Variants in SPATA6 observed in about 807,000 individuals in gnomAD.
SPATA6 encodes the protein spermatogenesis associated 6.
SPATA6 carries 56 observed loss-of-function variants against 65.3 expected under a neutral mutation model. The observed-to-expected ratio is 0.86, with a 90% CI of 0.69 to 1.07. The LOEUF is 1.07. Ranked by LOEUF, SPATA6 falls within the 50% of genes least tolerant of loss-of-function variation. The pLI, the probability that SPATA6 is intolerant of heterozygous loss-of-function variation, is 0.00. For synonymous variants in SPATA6, 199 were observed against 213.2 expected (o/e 0.93, Z 0.58); for missense variants, 590 against 594.8 (o/e 0.99, Z 0.08).
chr1:48,288,310 G>C, the SPATA6 span, among the ~76,000 whole-genome samples: 1 of 152,192 alleles, frequency 6.6e-6, no homozygotes, highest in Non-Finnish European at 1.5e-5. Context: ...CTCATAAAGT[G>C]AGTTTGGGAG....
At chr1:48,342,109 T>C (rs1297542554) in intron 11 of SPATA6, among the ~76,000 whole-genome samples, 2 of 152,200 alleles carry the variant, frequency 1.3e-5, no homozygotes, top group Admixed American at 6.6e-5. Context: ...AAGGGCCAGG[T>C]AGGAAATACG....
At chr1:48,398,206 C>A (rs1269407749) in intron 7 of SPATA6, among the ~76,000 whole-genome samples, 1 of 147,254 alleles carries the variant, frequency 6.8e-6, no homozygotes, top group South Asian at 2.4e-4. Context: ...AAAGTAGTCA[C>A]AATAACTTCA....
intron 11 of SPATA6, among the ~76,000 whole-genome samples, chr1:48,311,120 G>T (rs539328250): frequency 4.6e-5 from 7 of 152,122 alleles, no homozygotes; most frequent in African/African-American, 1.7e-4. Context: ...CATGAAAAAA[G>T]AAGACCTCAA....
chr1:48,334,856 A>T lies in SPATA6; in HGVS notation c.1194+20814T>A, dbSNP rs140915265. ...AAGTAGTAAAACTATCCCTGTGTGT[A>T]TATGACATGATTTTGTATTTTAAAA... On this transcript the variant is annotated intron_variant, in intron 11 of 12. Coordinates refer to ENST00000371847, the MANE Select transcript of SPATA6 (RefSeq NM_019073.4). Among the ~76,000 whole-genome samples, 502 of 152,290 alleles carry T rather than the reference A, an allele frequency of 3.3e-3. 2 individuals are homozygous for T. The highest frequency in any genetic ancestry group is 0.011 in the African/African-American group (474 of 41,578).
At chr1:48,275,387 G>A in the SPATA6 span, among the ~76,000 whole-genome samples, 1 of 152,192 alleles carries the variant, frequency 6.6e-6, no homozygotes, top group African/African-American at 2.4e-5. Flanking sequence ...TTGAATAGGA[G>A]TGGTAAGAGA....
At chr1:48,441,607 C>T (rs980304959) in intron 3 of SPATA6, among the ~76,000 whole-genome samples, 2 of 152,016 alleles carry the variant, frequency 1.3e-5, no homozygotes, top group Non-Finnish European at 2.9e-5. Flanking sequence ...CAAGCTCCAG[C>T]CCTAAGCCTT....
intron 11 of SPATA6, among the ~76,000 whole-genome samples, chr1:48,353,455 T>C (rs1269881929): frequency 7.1e-6 from 1 of 141,354 alleles, no homozygotes; most frequent in Non-Finnish European, 1.5e-5. Context: ...AACTCACGTG[T>C]TACTTACAAG....
rs577758223 is a variant in SPATA6, at chr1:48,368,624, G to A, written c.910-8854C>T. On this transcript the variant is annotated intron_variant, in intron 9 of 12. Coordinates refer to ENST00000371847, the MANE Select transcript of SPATA6 (RefSeq NM_019073.4). The stretch of plus-strand genomic sequence containing the variant: ...CTTCTGCATTCTTCACGTAGTTCTC[G>A]AGCCTTGGCTTTCAGCTCCATTAGC... Among the ~76,000 whole-genome samples, 20 of 152,190 alleles carry A rather than the reference G, an allele frequency of 1.3e-4. No homozygotes were observed. In the South Asian group the frequency reaches 1.7e-3, roughly 13 times the overall value.
At chr1:48,426,251 A>G (rs530504478) in intron 3 of SPATA6, among the ~76,000 whole-genome samples, 2 of 152,322 alleles carry the variant, frequency 1.3e-5, no homozygotes, top group Admixed American at 6.5e-5. Context: ...CACACATACT[A>G]GGAAGCACAG....
At chr1:48,462,760 A>T (rs1657543164) in intron 1 of SPATA6, among the ~76,000 whole-genome samples, 1 of 152,232 alleles carries the variant, frequency 6.6e-6, no homozygotes, top group South Asian at 2.1e-4. Flanking sequence ...CTTGTTCACT[A>T]GCTATGATGG....
chr1:48,281,005 C>T, the SPATA6 span, among the ~76,000 whole-genome samples: 1 of 152,000 alleles, frequency 6.6e-6, no homozygotes, highest in African/African-American at 2.4e-5. Context: ...GGGCTTCATC[C>T]CTGGGATGCA....
rs1649347865 is a variant in SPATA6 at position 48,385,323 on chromosome 1, G to A, written c.895C>T (p.Pro299Ser). 6.2e-7 allele frequency: 1 copy of A among 1,606,984 alleles called. No homozygotes were observed. Among genetic ancestry groups the A allele is most frequent in the African/African-American group, 1.3e-5 (1 of 74,676 alleles). The change falls in exon 9 of 13, where the codon CCC becomes TCC. Residue 299 changes from proline to serine, a missense_variant. Coordinates refer to ENST00000371847, the MANE Select transcript of SPATA6 (RefSeq NM_019073.4). ...ATTCTACACACCTTATAATCCTTGG[G>A]TCGGCAGCAGCCAAGATGAGAATGA... ...NDHSHLGCCR[P>S]KDYKVIRTPH...
chr1:48,415,740 A>C (rs1652713795), intron 3 of SPATA6, among the ~76,000 whole-genome samples: 2 of 150,950 alleles, frequency 1.3e-5, no homozygotes, highest in Admixed American at 1.3e-4. Flanking sequence ...AAGAAACAGA[A>C]AAAAAAAAAC....
the SPATA6 span, among the ~76,000 whole-genome samples, chr1:48,290,223 C>T: frequency 6.6e-6 from 1 of 152,078 alleles, no homozygotes; most frequent in Non-Finnish European, 1.5e-5. Flanking sequence ...GAATTTTCAA[C>T]CCAGAATCTC....
chr1:48,390,297 T>G (rs1016629186), intron 8 of SPATA6, among the ~76,000 whole-genome samples: 5 of 152,172 alleles, frequency 3.3e-5, no homozygotes, highest in Non-Finnish European at 7.3e-5. Flanking sequence ...GGGTCATTAT[T>G]TTAAGTGAAA....
At chr1:48,428,686 T>C (rs536174051) in intron 3 of SPATA6, among the ~76,000 whole-genome samples, 8 of 152,136 alleles carry the variant, frequency 5.3e-5, no homozygotes, top group African/African-American at 1.9e-4. Context: ...GGGGTTGGTC[T>C]TGCTGTCTCA....
At chr1:48,355,113 T>C (rs1048870367) in intron 11 of SPATA6, among the ~76,000 whole-genome samples, 5 of 152,128 alleles carry the variant, frequency 3.3e-5, no homozygotes, top group Non-Finnish European at 5.9e-5. Flanking sequence ...AAAAGTACTG[T>C]CATTATTTCC....
At chr1:48,386,954 A>C (rs546744458) in intron 8 of SPATA6, among the ~76,000 whole-genome samples, 1 of 152,346 alleles carries the variant, frequency 6.6e-6, no homozygotes, top group East Asian at 1.9e-4. Flanking sequence ...GGGCTGTATT[A>C]GTCCATTTTT....
intron 9 of SPATA6, among the ~76,000 whole-genome samples, chr1:48,363,450 T>C (rs1271013653): frequency 6.6e-6 from 1 of 152,158 alleles, no homozygotes; most frequent in Non-Finnish European, 1.5e-5. Context: ...CTATTAAGGC[T>C]TTCGTTTCCT....
Sources: gnomAD v4.1 joint callset for allele counts (sites outside exome capture counted in the v4.1 genomes callset) on GRCh38, gnomAD v4.1.1 for gene constraint, MANE v1.5 for transcripts, NCBI Gene and HGNC (gene_info 2026-07-23, HGNC 2026-07-21) for gene names.